MAPKAPK2: variants seen among roughly 807,000 people sequenced by gnomAD.
The protein encoded by MAPKAPK2 is MAPK activated protein kinase 2, also known as MAP kinase-activated protein kinase 2.
Under a neutral mutation model 48.8 loss-of-function variants are expected in MAPKAPK2, and 9 were observed. That is an observed-to-expected ratio of 0.18 (90% CI 0.11 to 0.32). The LOEUF is 0.32. Among genes scored for constraint, MAPKAPK2 ranks in the 10% least tolerant of loss-of-function variants. The pLI, the probability that MAPKAPK2 is intolerant of heterozygous loss-of-function variation, is 1.00. For synonymous variants in MAPKAPK2, 202 were observed against 190.6 expected, an observed-to-expected ratio of 1.06 and a Z score of -0.49; for missense variants, 331 against 498.3, an observed-to-expected ratio of 0.66 and a Z score of 3.20.
chr1:206,732,704 G>T lies in MAPKAPK2; in HGVS notation c.1189G>T (p.Ala397Ser). 1 of 1,614,202 alleles carries T rather than the reference G, an allele frequency of 6.2e-7. No individual in the cohort carries two copies. Among genetic ancestry groups the T allele is most frequent in the Non-Finnish European group, 8.5e-7 (1 of 1,180,030 alleles). The change falls in exon 10 of 10, where the codon GCT becomes TCT. Residue 397 changes from alanine (A) to serine (S), a missense_variant. Transcript: ENST00000367103. This position sits in a 1 kb window ranked among gnomAD's most constrained non-coding sequence, Gnocchi z 4.4. ...RKKARALEAAALAH is the reference protein window; with the variant it reads ...RKKARALEAASLAH Reference sequence around the variant, plus strand: ...GAAAGCTCGGGCCCTGGAGGCTGCGGCTCTGGCCCACTGAGCCACCGCGCC... The same window carrying T: ...GAAAGCTCGGGCCCTGGAGGCTGCGTCTCTGGCCCACTGAGCCACCGCGCC...
chr1:206,718,022 T>A (rs190569551), intron 1 of MAPKAPK2, among the ~76,000 whole-genome samples: 13 of 152,194 alleles, frequency 8.5e-5, no homozygotes, highest in Non-Finnish European at 1.6e-4. Flanking sequence ...AACAAAACAA[T>A]AACAACAAAA....
chr1:206,728,970 G>C lies in MAPKAPK2; in HGVS notation c.420-65G>C, dbSNP rs542402080. 3.0e-5 allele frequency: 48 copies of C among 1,609,998 alleles called. No individual in the cohort carries two copies. The African/African-American group carries it at 5.1e-4, about 17-fold the overall frequency. ...CTGGAATGTAAACACTTGATTTTTT[G>C]GGGGGCAGTGGAGAGTGGCGGCGGG... On this transcript the variant is annotated intron_variant, in intron 2 of 9. Transcript: ENST00000367103.
intron 1 of MAPKAPK2, among the ~76,000 whole-genome samples, chr1:206,694,064 G>C (rs1672538623): frequency 1.3e-5 from 2 of 152,262 alleles, no homozygotes; most frequent in Non-Finnish European, 2.9e-5. Context: ...GGCTCAGGTA[G>C]CTAGAATATT....
chr1:206,730,867 G>A, intron 6 of MAPKAPK2, 104 bp downstream of exon 6: 2 of 1,279,594 alleles, frequency 1.6e-6, no homozygotes, highest in East Asian at 2.3e-5. Context: ...CCTTTGTACA[G>A]GGGAGTCCCC....
chr1:206,732,246 A>G lies in MAPKAPK2; in HGVS notation c.1059+327A>G, dbSNP rs1461719324. ...CCAGAGGCGGAGGGCAGTCTGCTCA[A>G]GGTCACGCAGCTGGTGACTGGTTGG... On this transcript the variant is annotated intron_variant, in intron 9 of 9. Coordinates refer to ENST00000367103, the MANE Select transcript of MAPKAPK2 (RefSeq NM_032960.4). The surrounding 1 kb of genome is among the most constrained non-coding windows in gnomAD (Gnocchi z 4.4). 4.7e-6 allele frequency: 7 copies of G among 1,488,194 alleles called. No individual in the cohort carries two copies. The highest frequency in any genetic ancestry group is 6.3e-6 in the Non-Finnish European group (7 of 1,115,628). The allele number at this position is 1,488,194 out of a possible 1,614,324, so 92.2% of individuals were successfully genotyped here. A position where few individuals can be genotyped will look rare whatever the true frequency, so the allele number is the denominator to read the frequency against.
At chr1:206,717,992 C>G (rs570206159) in intron 1 of MAPKAPK2, among the ~76,000 whole-genome samples, 1 of 151,956 alleles carries the variant, frequency 6.6e-6, no homozygotes, top group Non-Finnish European at 1.5e-5. Context: ...TTCATATATC[C>G]TCTCCCCTCT....
At chr1:206,695,305 A>G (rs1672580448) in intron 1 of MAPKAPK2, among the ~76,000 whole-genome samples, 1 of 152,162 alleles carries the variant, frequency 6.6e-6, no homozygotes, top group South Asian at 2.1e-4. Context: ...TCTTGCCCCC[A>G]TGATTCTTCG....
rs185987408 is a variant in MAPKAPK2 at position 206,689,101 on chromosome 1, G to A, written c.279+3593G>A. Among the ~76,000 whole-genome samples the A allele has an allele frequency of 1.1e-4, 17 of 152,272 alleles. No individual in the cohort carries two copies. The East Asian group carries it at 3.3e-3, about 29-fold the overall frequency. On this transcript the variant is annotated intron_variant, in intron 1 of 9. Coordinates refer to ENST00000367103, the MANE Select transcript of MAPKAPK2 (RefSeq NM_032960.4). ...AGACTGTATCGTTGTTCTCTGCTGT[G>A]CAACTCTGATTAGGTGAAGCATGTT...
intron 1 of MAPKAPK2, among the ~76,000 whole-genome samples, chr1:206,715,625 CTTTCT>C (rs1558582560): frequency 7.3e-6 from 1 of 137,294 alleles, no homozygotes. Flanking sequence ...CTTTTTCTTT[CTTTCT>C]TTTTTTTTTT....
At position 206,716,698 on chromosome 1, in the gene MAPKAPK2, T is replaced by C. The variant is rs563301820; in HGVS notation, c.280-12012T>C. Among the ~76,000 whole-genome samples, 10 of 152,260 alleles carry C rather than the reference T, an allele frequency of 6.6e-5. No individual in the cohort carries two copies. In the South Asian group the frequency reaches 2.1e-3, roughly 32 times the overall value. Reference sequence around the variant, plus strand: ...TTGCTTTGGCAGCCGCACAGGGTCGTATGCATGGGGGCTGCTTAGGCCAGA... The same window carrying C: ...TTGCTTTGGCAGCCGCACAGGGTCGCATGCATGGGGGCTGCTTAGGCCAGA... On this transcript the variant is annotated intron_variant, in intron 1 of 9. Transcript: ENST00000367103.
intron 1 of MAPKAPK2, among the ~76,000 whole-genome samples, chr1:206,695,119 C>CA (rs202150125): frequency 0.014 from 2,094 of 152,296 alleles, 24 homozygotes; most frequent in Non-Finnish European, 0.019. Flanking sequence ...TCCTGGGTCT[C>CA]AGACTTTCCT....
At position 206,731,693 on chromosome 1, in the gene MAPKAPK2, A is replaced by G. The variant is rs1454535420; in HGVS notation, c.946A>G (p.Ile316Val). The G allele has an allele frequency of 8.7e-6, 14 of 1,614,122 alleles. No homozygotes were observed. Among genetic ancestry groups the G allele is most frequent in the South Asian group, 1.1e-5 (1 of 91,072 alleles). Residue 316 changes from isoleucine (I) to valine (V), a missense_variant, in exon 8 of 10, where the codon ATC (isoleucine) becomes GTC (valine). Ile to Val is a conservative substitution (Grantham distance 29). Around this residue, in one of 4 missense-constraint regions of MAPKAPK2, gnomAD observed 124 missense variants for 194.6 expected, o/e 0.64. Transcript: ENST00000367103. The surrounding 1 kb of genome is among the most constrained non-coding windows in gnomAD (Gnocchi z 5.9). The stretch of plus-strand genomic sequence containing the variant: ...AACAGAGCCCACCCAGAGAATGACC[A>G]TCACCGAGTTTATGAACCACCCTTG... ...LKTEPTQRMT[I>V]TEFMNHPWIM...
chr1:206,730,754 T>C lies in MAPKAPK2; in HGVS notation c.758T>C (p.Met253Thr). Residue 253 changes from methionine (M) to threonine (T), a missense_variant, in exon 6 of 10, where the codon ATG becomes ACG. Met to Thr is a moderately conservative substitution (Grantham distance 81). This residue lies in a region of MAPKAPK2 where 124 missense variants were observed against 194.6 expected (regional missense o/e 0.64). Coordinates refer to ENST00000367103, the MANE Select transcript of MAPKAPK2 (RefSeq NM_032960.4). Reference sequence around the variant, plus strand: ...GACATGTGGTCCCTGGGTGTCATCATGTACATCCTGTGAGTGTGCTGGGGA... The same window carrying C: ...GACATGTGGTCCCTGGGTGTCATCACGTACATCCTGTGAGTGTGCTGGGGA... ...SCDMWSLGVIMYILLCGYPPF... is the reference protein window; with the variant it reads ...SCDMWSLGVITYILLCGYPPF... 6.2e-7 allele frequency: 1 copy of C among 1,612,034 alleles called. No homozygotes were observed. Among genetic ancestry groups the C allele is most frequent in the African/African-American group, 1.3e-5 (1 of 74,588 alleles).
chr1:206,695,980 C>T, intron 1 of MAPKAPK2: 1 of 740,648 alleles, frequency 1.4e-6, no homozygotes, highest in Non-Finnish European at 2.5e-6. Context: ...CTACTTCCTC[C>T]TATGGCTCGG....
At chr1:206,723,276 C>G (rs1673596547) in intron 1 of MAPKAPK2, among the ~76,000 whole-genome samples, 1 of 152,164 alleles carries the variant, frequency 6.6e-6, no homozygotes, top group South Asian at 2.1e-4. Flanking sequence ...CCCAGTTGCC[C>G]CCCCCAGTGG....
At position 206,732,657 on chromosome 1, in the gene MAPKAPK2, C is replaced by T; in HGVS notation, c.1142C>T (p.Pro381Leu). The stretch of plus-strand genomic sequence containing the variant: ...AAAAAGATTGAAGATGCATCCAACC[C>T]TCTGCTGCTGAAGAGGCGGAAGAAA... ...KIKKIEDASN[P>L]LLLKRRKKAR... Residue 381 changes from proline (P) to leucine (L), a missense_variant, in exon 10 of 10, where the codon CCT (proline) becomes CTT (leucine). Transcript: ENST00000367103. This position sits in a 1 kb window ranked among gnomAD's most constrained non-coding sequence, Gnocchi z 4.4. The T allele has an allele frequency of 6.2e-7, 1 of 1,614,224 alleles. No homozygotes were observed. Among genetic ancestry groups the T allele is most frequent in the African/African-American group, 1.3e-5 (1 of 75,060 alleles).
intron 1 of MAPKAPK2, among the ~76,000 whole-genome samples, chr1:206,728,324 C>T (rs781824706): frequency 1.3e-5 from 2 of 152,070 alleles, no homozygotes; most frequent in Non-Finnish European, 2.9e-5. Context: ...CTCTCTAGCC[C>T]CCTTTCCAAT....
chr1:206,691,027 T>G (rs1248669384), intron 1 of MAPKAPK2, among the ~76,000 whole-genome samples: 2 of 151,976 alleles, frequency 1.3e-5, no homozygotes, highest in Non-Finnish European at 1.5e-5. Flanking sequence ...GACTGCAGCT[T>G]TTCTTGGTAA....
chr1:206,697,989 CA>C (rs1553427297), intron 1 of MAPKAPK2, among the ~76,000 whole-genome samples: 2 of 152,366 alleles, frequency 1.3e-5, no homozygotes, highest in East Asian at 3.9e-4. Context: ...AGCCTTTCAT[CA>C]CTGTTGTTGC....
Sources: gnomAD v4.1 joint callset for allele counts (sites outside exome capture counted in the v4.1 genomes callset) on GRCh38, gnomAD v4.1.1 for gene constraint, gnomAD v4.1.1 regional missense constraint, Gnocchi (gnomAD v3.1) non-coding constraint, MANE v1.5 for transcripts, NCBI Gene and HGNC (gene_info 2026-07-23, HGNC 2026-07-21) for gene names.